The following PHACTR1 variants were observed in gnomAD, a reference collection of about 807,000 sequenced individuals.
The protein encoded by PHACTR1 is phosphatase and actin regulator 1.
In PHACTR1, 16 loss-of-function variants were observed where a neutral mutation model predicts 69.2. The observed-to-expected ratio is 0.23, with a 90% CI of 0.16 to 0.35. The LOEUF is 0.35. Among genes scored for constraint, PHACTR1 ranks in the 10% least tolerant of loss-of-function variants. The pLI is 1.00. For synonymous variants in PHACTR1, 312 were observed against 284.5 expected (o/e 1.10, Z -0.97); for missense variants, 510 against 734.7 (o/e 0.69, Z 3.54).
intron 4 of PHACTR1, among the ~76,000 whole-genome samples, chr6:12,816,969 G>A (rs1376018088): frequency 2.0e-5 from 3 of 152,206 alleles, no homozygotes; most frequent in Non-Finnish European, 2.9e-5. Flanking sequence ...ACAGAAGGGA[G>A]AGGAAGAAGA....
At chr6:12,880,996 C>G (rs73362153) in intron 4 of PHACTR1, among the ~76,000 whole-genome samples, 1,962 of 152,228 alleles carry the variant, frequency 0.013, 34 homozygotes, top group African/African-American at 0.044. Context: ...GGATATTGAG[C>G]CTCAGTTTCT....
intron 8 of PHACTR1, among the ~76,000 whole-genome samples, chr6:13,222,387 A>G (rs367688492): frequency 3.0e-4 from 46 of 152,364 alleles, no homozygotes; most frequent in Middle Eastern, 3.4e-3. Context: ...TCTTGCATTC[A>G]TGGGGTAACT....
intron 4 of PHACTR1, among the ~76,000 whole-genome samples, chr6:12,856,255 C>CTTTTTTTTTTTTTT (rs66541950): frequency 3.7e-5 from 5 of 135,806 alleles, no homozygotes; most frequent in African/African-American, 1.4e-4. Flanking sequence ...TTCTTTCTTT[C>CTTTTTTTTTTTTTT]TTTTTTTTTT....
At chr6:12,952,896 A>G (rs1177810058) in intron 4 of PHACTR1, among the ~76,000 whole-genome samples, 1 of 152,218 alleles carries the variant, frequency 6.6e-6, no homozygotes, top group Admixed American at 6.5e-5. Flanking sequence ...TTTTTAAAGC[A>G]CCAATAAACT....
At chr6:12,875,964 T>A (rs1263825279) in intron 4 of PHACTR1, among the ~76,000 whole-genome samples, 1 of 152,098 alleles carries the variant, frequency 6.6e-6, no homozygotes, top group African/African-American at 2.4e-5. Context: ...ATAATAAAGC[T>A]AAGGAGGTTA....
chr6:12,722,683 T>C (rs1444411374), intron 3 of PHACTR1, among the ~76,000 whole-genome samples: 1 of 152,220 alleles, frequency 6.6e-6, no homozygotes, highest in Non-Finnish European at 1.5e-5. Context: ...ACCTCCATTT[T>C]CCCCTGGTTG....
At chr6:12,895,170 C>A (rs975100771) in intron 4 of PHACTR1, among the ~76,000 whole-genome samples, 1 of 126,238 alleles carries the variant, frequency 7.9e-6, no homozygotes, top group African/African-American at 2.9e-5. Context: ...GTGACTCTTT[C>A]TTTTTTCTTT....
At chr6:12,770,604 C>T (rs1375394468) in intron 4 of PHACTR1, among the ~76,000 whole-genome samples, 3 of 152,114 alleles carry the variant, frequency 2.0e-5, no homozygotes, top group African/African-American at 7.2e-5. Context: ...CATTTAAGTC[C>T]CCCTGGTTCA....
In PHACTR1 at chr6:13,272,916, G is replaced by C; in HGVS notation, c.1447+1G>C. On this transcript the variant is annotated splice_donor_variant, in intron 11 of 14. Coordinates refer to ENST00000332995, the MANE Select transcript of PHACTR1 (RefSeq NM_030948.6). LOFTEE classifies it high-confidence loss of function. The stretch of plus-strand genomic sequence containing the variant: ...CTGGAACAGAGGAACATTTTGAAAC[G>C]TAAGTGACTAAGCCCATGGCAATCC... 6.2e-7 allele frequency: 1 copy of C among 1,614,040 alleles called. No homozygotes were observed.
intron 3 of PHACTR1, among the ~76,000 whole-genome samples, chr6:12,741,929 T>G (rs1050366083): frequency 6.6e-6 from 1 of 152,190 alleles, no homozygotes; most frequent in African/African-American, 2.4e-5. Context: ...CTTCTTAATC[T>G]TTTTCAGTAA....
intron 5 of PHACTR1, among the ~76,000 whole-genome samples, chr6:13,093,778 A>C (rs1204410895): frequency 6.6e-6 from 1 of 152,224 alleles, no homozygotes; most frequent in Non-Finnish European, 1.5e-5. Flanking sequence ...AAACACTAGG[A>C]GTGAAAGTTA....
intron 5 of PHACTR1, among the ~76,000 whole-genome samples, chr6:13,090,247 G>A (rs1410968827): frequency 6.6e-6 from 1 of 151,096 alleles, no homozygotes; most frequent in East Asian, 1.9e-4. Context: ...GTAGAGACAG[G>A]GTTTCACCAT....
rs145257029 is a variant in PHACTR1, at chr6:13,084,644, G to A, written c.415+31115G>A. On this transcript the variant is annotated intron_variant, in intron 5 of 14. Coordinates refer to ENST00000332995, the MANE Select transcript of PHACTR1 (RefSeq NM_030948.6). ...AACATTCTTTTATCAATGTAAATAA[G>A]TGCCCCTTATTTAAAAATATTAAAA... Among the ~76,000 whole-genome samples, 614 of 152,000 alleles carry A rather than the reference G, an allele frequency of 4.0e-3. 4 individuals carry two copies. The highest frequency in any genetic ancestry group is 0.014 in the African/African-American group (587 of 41,492).
intron 4 of PHACTR1, among the ~76,000 whole-genome samples, chr6:13,047,875 G>A (rs1304941447): frequency 6.6e-6 from 1 of 152,004 alleles, no homozygotes; most frequent in Non-Finnish European, 1.5e-5. Context: ...TACCTGAGGA[G>A]CGCCCCGAGC....
At chr6:13,025,125 C>T (rs1220037874) in intron 4 of PHACTR1, among the ~76,000 whole-genome samples, 4 of 152,002 alleles carry the variant, frequency 2.6e-5, no homozygotes, top group Non-Finnish European at 4.4e-5. Context: ...CATGGTGGTG[C>T]GTGCCTATAG....
intron 10 of PHACTR1, among the ~76,000 whole-genome samples, chr6:13,256,200 A>G (rs1314020647): frequency 1.3e-5 from 2 of 152,226 alleles, no homozygotes; most frequent in Non-Finnish European, 2.9e-5. Context: ...CCTTTGAGCC[A>G]TGGCTAGAGC....
At chr6:12,890,791 C>A (rs1276436643) in intron 4 of PHACTR1, among the ~76,000 whole-genome samples, 2 of 152,188 alleles carry the variant, frequency 1.3e-5, no homozygotes, top group East Asian at 3.9e-4. Flanking sequence ...GTCCTTCCAA[C>A]TCTGTTTTAC....
rs576500349 is a variant in PHACTR1 at position 12,769,055 on chromosome 6, C to CTGAGGAGCATGGATGAGATGAGGATT, written c.250+19266_250+19291dup. On this transcript the variant is annotated intron_variant, in intron 4 of 14. Coordinates refer to ENST00000332995, the MANE Select transcript of PHACTR1 (RefSeq NM_030948.6). Reference sequence around the variant, plus strand: ...AGAGTGGAATGGTGGTTACCAGAGGCTGAGGAGCATGGATGAGATGAGGAT... The same window carrying CTGAGGAGCATGGATGAGATGAGGATT: ...AGAGTGGAATGGTGGTTACCAGAGGCTGAGGAGCATGGATGAGATGAGGATTTGAGGAGCATGGATGAGATGAGGAT... Among the ~76,000 whole-genome samples the CTGAGGAGCATGGATGAGATGAGGATT allele has an allele frequency of 7.8e-4, 118 of 152,220 alleles. 2 individuals are homozygous for CTGAGGAGCATGGATGAGATGAGGATT. In the East Asian group the frequency reaches 0.022, roughly 29 times the overall value.
intron 7 of PHACTR1, among the ~76,000 whole-genome samples, chr6:13,193,959 G>C (rs1410007954): frequency 6.6e-6 from 1 of 152,086 alleles, no homozygotes; most frequent in Non-Finnish European, 1.5e-5. Context: ...GGTCTCCCTA[G>C]GAGCAGCAGC....
Sources: allele counts gnomAD v4.1 joint callset (sites outside exome capture counted in the v4.1 genomes callset), GRCh38; gene constraint gnomAD v4.1.1; transcripts MANE v1.5; gene names NCBI Gene and HGNC (gene_info 2026-07-23, HGNC 2026-07-21).